EPRS1: variants seen among roughly 807,000 people sequenced by gnomAD.
EPRS1 encodes glutamyl-prolyl-tRNA synthetase 1, also known as bifunctional glutamate/proline--tRNA ligase.
EPRS1 carries 107 observed loss-of-function variants against 188.3 expected under a neutral mutation model. The ratio of observed to expected loss-of-function variants is 0.57; its 90% CI spans 0.49 to 0.67. The LOEUF (loss-of-function observed/expected upper bound fraction) is 0.67, where lower values mean the gene tolerates loss of function less well. Among genes scored for constraint, EPRS1 ranks in the 30% least tolerant of loss-of-function variants. The probability of loss-of-function intolerance (pLI) is 0.00; values close to 1 mark genes in which losing one functional copy is unlikely to be tolerated. For synonymous variants in EPRS1, 596 were observed against 593.1 expected (o/e 1.00, Z -0.07); for missense variants, 1,577 against 1,802.2 (o/e 0.88, Z 2.26).
chr1:220,002,729 A>T (rs1398275019), intron 16 of EPRS1, among the ~76,000 whole-genome samples: 1 of 151,988 alleles, frequency 6.6e-6, no homozygotes, highest in African/African-American at 2.4e-5. Flanking sequence ...GTGTGGTGGC[A>T]CATATCTGTA....
chr1:219,991,871 C>T (rs1661131311), intron 18 of EPRS1, among the ~76,000 whole-genome samples: 1 of 152,130 alleles, frequency 6.6e-6, no homozygotes, highest in African/African-American at 2.4e-5. Context: ...CAGAAGATCC[C>T]CAAGCTGATG....
intron 1 of EPRS1, among the ~76,000 whole-genome samples, chr1:220,041,699 G>C (rs983894977): frequency 6.6e-6 from 1 of 152,092 alleles, no homozygotes; most frequent in Admixed American, 6.6e-5. Context: ...AATTAGCCAG[G>C]TGTGGTGGCA....
chr1:219,996,542 C>T (rs1661235409), intron 18 of EPRS1, among the ~76,000 whole-genome samples: 3 of 152,186 alleles, frequency 2.0e-5, no homozygotes, highest in Non-Finnish European at 4.4e-5. Context: ...TTTACCAAGC[C>T]AGTAATTCTG....
intron 30 of EPRS1, among the ~76,000 whole-genome samples, chr1:219,970,607 A>G (rs1235435719): frequency 1.3e-5 from 2 of 152,040 alleles, no homozygotes; most frequent in African/African-American, 4.8e-5. Context: ...GCAAAACCCC[A>G]TCTCTACTAA....
chr1:219,990,546 A>G (rs1341482479), intron 18 of EPRS1, among the ~76,000 whole-genome samples: 12 of 152,188 alleles, frequency 7.9e-5, no homozygotes, highest in Admixed American at 7.9e-4. Flanking sequence ...TTCCTTCCCC[A>G]GAGTTACACA....
intron 1 of EPRS1, among the ~76,000 whole-genome samples, chr1:220,045,510 GA>G (rs927280929): frequency 1.0e-3 from 145 of 143,056 alleles, no homozygotes; most frequent in Non-Finnish European, 7.7e-4. Flanking sequence ...ACTCTCAAAA[GA>G]AAAAAAAAAA....
At chr1:220,038,902 A>G (rs1002893160) in intron 2 of EPRS1, among the ~76,000 whole-genome samples, 5 of 152,174 alleles carry the variant, frequency 3.3e-5, no homozygotes, top group Admixed American at 2.6e-4. Context: ...GAGCAGGTGA[A>G]GTCTGTCTGA....
intron 1 of EPRS1, among the ~76,000 whole-genome samples, chr1:220,044,711 A>AAAAAAAAAAAAAAAAAAAT (rs1558064845): frequency 8.0e-6 from 1 of 124,896 alleles, no homozygotes; most frequent in African/African-American, 2.9e-5. Context: ...AAAAAAAAAA[A>AAAAAAAAAAAAAAAAAAAT]AACAGTATCA....
At chr1:220,019,185 T>C in intron 10 of EPRS1, 106 bp from the exon 11 acceptor site, 1 of 772,420 alleles carries the variant, frequency 1.3e-6, no homozygotes, top group Non-Finnish European at 2.2e-6. Flanking sequence ...TGTTAAACAT[T>C]TGTCTAAGAG....
At chr1:220,016,727 T>TA (rs1661724096) in intron 12 of EPRS1, among the ~76,000 whole-genome samples, 1 of 109,844 alleles carries the variant, frequency 9.1e-6, no homozygotes, top group African/African-American at 3.9e-5. Flanking sequence ...TTTTTTTTTT[T>TA]AACAGAAAAA....
intron 28 of EPRS1, 81 bp from the exon 29 acceptor site, chr1:219,973,479 C>A: frequency 1.0e-6 from 1 of 958,178 alleles, no homozygotes; most frequent in Non-Finnish European, 1.4e-6. Flanking sequence ...GCTTTAGCTA[C>A]CATAAATTAT....
At chr1:219,993,959 G>C (rs891282971) in intron 18 of EPRS1, among the ~76,000 whole-genome samples, 1 of 152,196 alleles carries the variant, frequency 6.6e-6, no homozygotes, top group African/African-American at 2.4e-5. Flanking sequence ...GCCAGATGCA[G>C]GCTAAATGCG....
At chr1:220,005,907 C>G (rs1037798407) in intron 15 of EPRS1, among the ~76,000 whole-genome samples, 199 bp downstream of exon 15, 1 of 147,338 alleles carries the variant, frequency 6.8e-6, no homozygotes, top group African/African-American at 2.6e-5. Context: ...TGAGCTCAAG[C>G]GATCCACCCA....
At position 220,020,149 on chromosome 1, in the gene EPRS1, T is replaced by C; in HGVS notation, c.1188A>G (p.Thr396=). Residue 396 remains threonine (T), a synonymous_variant, in exon 10 of 32, where the codon ACA becomes ACG. Transcript: ENST00000366923. ...SIEGVTHALR[T]TEYHDRDEQF... ...GCTCATCTCTGTCATGGTATTCTGT[T>C]GTTCTCAGGGCATGTGTAACACCTT... 3 of 1,614,142 alleles carry C rather than the reference T, an allele frequency of 1.9e-6. No homozygotes were observed. Among genetic ancestry groups the C allele is most frequent in the Non-Finnish European group, 2.5e-6 (3 of 1,180,002 alleles).
chr1:220,025,278 C>T lies in EPRS1; in HGVS notation c.624-20G>A. ...AAGTAACTAAAACAAAAACATTTCA[C>T]AAAGAAACTCATTAACATGTTTTAA... is the stretch of plus-strand genomic sequence containing the variant. On this transcript the variant is annotated intron_variant, in intron 6 of 31. Coordinates refer to ENST00000366923, the MANE Select transcript of EPRS1 (RefSeq NM_004446.3). 2 of 1,566,906 alleles carry T rather than the reference C, an allele frequency of 1.3e-6. No homozygotes were observed. Among genetic ancestry groups the T allele is most frequent in the Non-Finnish European group, 8.6e-7 (1 of 1,158,476 alleles).
At chr1:220,034,876 TA>T in intron 3 of EPRS1, 37 bp downstream of exon 3, 1 of 1,151,006 alleles carries the variant, frequency 8.7e-7, no homozygotes, top group Non-Finnish European at 1.3e-6. Flanking sequence ...AACAGAAGCA[TA>T]AGACAAAACA....
chr1:220,009,616 T>C (rs993345879), intron 13 of EPRS1, among the ~76,000 whole-genome samples: 6 of 151,166 alleles, frequency 4.0e-5, no homozygotes, highest in African/African-American at 9.7e-5. Context: ...GAGACCAAGA[T>C]AGAGGATGCA....
intron 18 of EPRS1, among the ~76,000 whole-genome samples, chr1:219,994,706 A>T (rs545153858): frequency 7.2e-6 from 1 of 139,372 alleles, no homozygotes; most frequent in South Asian, 2.2e-4. Context: ...GCTGGAGTAC[A>T]GTGGCACAAT....
intron 9 of EPRS1, 74 bp downstream of exon 9, chr1:220,022,273 T>G: frequency 7.6e-7 from 1 of 1,320,810 alleles, no homozygotes; most frequent in Non-Finnish European, 1.0e-6. Context: ...CTATTTTGCT[T>G]GTACTCCATG....
Sources: allele counts gnomAD v4.1 joint callset (sites outside exome capture counted in the v4.1 genomes callset), GRCh38; gene constraint gnomAD v4.1.1; transcripts MANE v1.5; gene names NCBI Gene and HGNC (gene_info 2026-07-23, HGNC 2026-07-21).